PITPNC1: variants seen among roughly 807,000 people sequenced by gnomAD.
PITPNC1 encodes phosphatidylinositol transfer protein cytoplasmic 1, also known as cytoplasmic phosphatidylinositol transfer protein 1.
Under a neutral mutation model 44.7 loss-of-function variants are expected in PITPNC1, and 18 were observed. The observed-to-expected ratio is 0.40, with a 90% CI of 0.28 to 0.60. The LOEUF is 0.60. Ranked by LOEUF, PITPNC1 falls within the 20% of genes least tolerant of loss-of-function variation. PITPNC1 has a pLI of 0.39. For missense variants in PITPNC1, 290 were observed against 418.4 expected, an observed-to-expected ratio of 0.69 and a Z score of 2.68; for synonymous variants, 141 against 149.6, an observed-to-expected ratio of 0.94 and a Z score of 0.42.
intron 6 of PITPNC1, among the ~76,000 whole-genome samples, chr17:67,667,713 T>C (rs1258241773): frequency 7.3e-5 from 11 of 150,940 alleles, no homozygotes; most frequent in Non-Finnish European, 1.3e-4. Flanking sequence ...GGTTCATGCT[T>C]GTACTTTGGG....
intron 4 of PITPNC1, among the ~76,000 whole-genome samples, chr17:67,568,137 G>A (rs2041005644): frequency 6.6e-6 from 1 of 152,202 alleles, no homozygotes; most frequent in Non-Finnish European, 1.5e-5. Context: ...ATCAGATGTA[G>A]TATGTCCGTA....
At chr17:67,537,289 A>G (rs965240282) in intron 2 of PITPNC1, among the ~76,000 whole-genome samples, 1 of 152,228 alleles carries the variant, frequency 6.6e-6, no homozygotes, top group African/African-American at 2.4e-5. Context: ...TTTGCAGATA[A>G]TATGATTGTC....
chr17:67,406,217 A>C (rs535725062), intron 1 of PITPNC1, among the ~76,000 whole-genome samples: 1 of 152,232 alleles, frequency 6.6e-6, no homozygotes, highest in East Asian at 1.9e-4. Context: ...ATCATCACGC[A>C]CTACAGCCTT....
intron 6 of PITPNC1, among the ~76,000 whole-genome samples, chr17:67,662,192 G>A (rs1374829618): frequency 6.6e-6 from 1 of 152,088 alleles, no homozygotes; most frequent in African/African-American, 2.4e-5. Flanking sequence ...GGTAGCGTAT[G>A]CCTGTAATCA....
chr17:67,443,107 G>A (rs1008051711), intron 1 of PITPNC1, among the ~76,000 whole-genome samples: 1 of 151,980 alleles, frequency 6.6e-6, no homozygotes, highest in African/African-American at 2.4e-5. Context: ...TCGGTTTGGC[G>A]TTGAAGCCCC....
intron 2 of PITPNC1, among the ~76,000 whole-genome samples, chr17:67,544,369 G>A (rs966407848): frequency 2.0e-5 from 3 of 152,114 alleles, no homozygotes; most frequent in African/African-American, 7.2e-5. Flanking sequence ...AGCATCTCTC[G>A]GATCCCTTCC....
intron 5 of PITPNC1, among the ~76,000 whole-genome samples, chr17:67,602,315 A>C (rs1297370258): frequency 6.6e-6 from 1 of 152,190 alleles, no homozygotes; most frequent in Non-Finnish European, 1.5e-5. Flanking sequence ...CCTGGGAGTG[A>C]GAGTAAGAGA....
At chr17:67,491,630 G>A (rs1250087796) in intron 1 of PITPNC1, among the ~76,000 whole-genome samples, 2 of 152,164 alleles carry the variant, frequency 1.3e-5, no homozygotes, top group African/African-American at 2.4e-5. Context: ...CTTGAGGCCA[G>A]GAGTCTAAGA....
intron 1 of PITPNC1, among the ~76,000 whole-genome samples, chr17:67,432,203 A>T (rs1039222970): frequency 1.3e-5 from 2 of 152,180 alleles, no homozygotes; most frequent in South Asian, 4.1e-4. Context: ...AAATACACTA[A>T]CACTGGCCGG....
intron 8 of PITPNC1, among the ~76,000 whole-genome samples, chr17:67,685,251 C>G (rs1255505019): frequency 1.3e-5 from 2 of 152,238 alleles, no homozygotes; most frequent in Admixed American, 6.5e-5. Context: ...GAAGAGCATG[C>G]TCCTTGCTTG....
chr17:67,506,263 G>T (rs2040099648), intron 1 of PITPNC1, among the ~76,000 whole-genome samples: 2 of 152,172 alleles, frequency 1.3e-5, no homozygotes, highest in African/African-American at 4.8e-5. Context: ...TGAAGAAAAG[G>T]TGAAGTAAGA....
At chr17:67,425,984 A>T (rs1163712871) in intron 1 of PITPNC1, among the ~76,000 whole-genome samples, 1 of 152,224 alleles carries the variant, frequency 6.6e-6, no homozygotes, top group Non-Finnish European at 1.5e-5. Context: ...ATAAAACTTT[A>T]TTTAACACAT....
chr17:67,502,744 C>CATTGCATTGTATTGT lies in PITPNC1; in HGVS notation c.49-30054_49-30053insCATTGTATTGTATTG, dbSNP rs1313719754. 5.7e-3 allele frequency among the ~76,000 whole-genome samples: 787 copies of CATTGCATTGTATTGT among 137,864 alleles called. 4 individuals are homozygous for CATTGCATTGTATTGT. The highest frequency in any genetic ancestry group is 0.015 in the African/African-American group (503 of 34,626). The allele number at this position is 137,864 out of a possible 152,430, so 90.4% of individuals were successfully genotyped here. ...GAAGTAAGATTATTGCATTGCATTGCATTGTATTGTATTGTATTGTATTGT... is the reference window on the plus strand; with the variant it reads ...GAAGTAAGATTATTGCATTGCATTGCATTGCATTGTATTGTATTGTATTGTATTGTATTGTATTGT... On this transcript the variant is annotated intron_variant, in intron 1 of 8. Transcript: ENST00000581322.
At chr17:67,428,609 G>C (rs553355446) in intron 1 of PITPNC1, among the ~76,000 whole-genome samples, 1 of 151,222 alleles carries the variant, frequency 6.6e-6, no homozygotes, top group Non-Finnish European at 1.5e-5. Flanking sequence ...CGGGTAATGA[G>C]ATTATAGATG....
At chr17:67,462,225 C>CTTTTTTTTTTTTTTTTTTTTTTTTTTT (rs549707875) in intron 1 of PITPNC1, among the ~76,000 whole-genome samples, 8 of 71,254 alleles carry the variant, frequency 1.1e-4, no homozygotes, top group Admixed American at 3.6e-4. Context: ...TTCTTTCTTT[C>CTTTTTTTTTTTTTTTTTTTTTTTTTTT]TTTTTTTTTT....
At chr17:67,546,738 T>TCCAA (rs775296205) in intron 2 of PITPNC1, among the ~76,000 whole-genome samples, 1 of 151,936 alleles carries the variant, frequency 6.6e-6, no homozygotes, top group Non-Finnish European at 1.5e-5. Flanking sequence ...GGCCCGTGAG[T>TCCAA]CCAAGTTCAA....
chr17:67,397,800 C>A (rs1205103949), intron 1 of PITPNC1, among the ~76,000 whole-genome samples: 1 of 152,066 alleles, frequency 6.6e-6, no homozygotes, highest in East Asian at 1.9e-4. Context: ...ATCAATACTT[C>A]AAAGGGTTCA....
intron 2 of PITPNC1, among the ~76,000 whole-genome samples, chr17:67,542,818 G>C (rs2040626703): frequency 1.3e-5 from 2 of 152,300 alleles, no homozygotes; most frequent in Admixed American, 6.5e-5. Context: ...AATTATTAGA[G>C]GCACTGGAAA....
At chr17:67,572,701 G>C (rs1233623668) in intron 4 of PITPNC1, among the ~76,000 whole-genome samples, 1 of 151,684 alleles carries the variant, frequency 6.6e-6, no homozygotes, top group African/African-American at 2.4e-5. Context: ...TACTTGAGAT[G>C]GTCTTTGAGT....
Sources: allele counts gnomAD v4.1 joint callset (sites outside exome capture counted in the v4.1 genomes callset), GRCh38; gene constraint gnomAD v4.1.1; transcripts MANE v1.5; gene names NCBI Gene and HGNC (gene_info 2026-07-23, HGNC 2026-07-21).